The following CACNA1G variants were observed in gnomAD, a reference collection of about 807,000 sequenced individuals.
CACNA1G encodes the protein calcium voltage-gated channel subunit alpha1 G.
Under a neutral mutation model 219.4 loss-of-function variants are expected in CACNA1G, and 67 were observed. The ratio of observed to expected loss-of-function variants is 0.31; its 90% CI spans 0.25 to 0.37. CACNA1G has a LOEUF of 0.37. CACNA1G is among the 10% of genes least tolerant of loss of function. The pLI, the probability that CACNA1G is intolerant of heterozygous loss-of-function variation, is 1.00. For synonymous variants in CACNA1G, 1,296 were observed against 1,345.3 expected (o/e 0.96, Z 0.80); for missense variants, 2,380 against 3,231.4 (o/e 0.74, Z 6.39).
chr17:50,604,398 G>T, intron 22 of CACNA1G, 117 bp downstream of exon 22: 2 of 1,302,960 alleles, frequency 1.5e-6, no homozygotes, highest in Non-Finnish European at 2.1e-6. Context: ...AAAGGAATAA[G>T]CAGGGACGCT....
At chr17:50,615,104 G>T (rs764611509) in intron 26 of CACNA1G, among the ~76,000 whole-genome samples, 1 of 152,098 alleles carries the variant, frequency 6.6e-6, no homozygotes, top group Non-Finnish European at 1.5e-5. Context: ...CTCACCTGGC[G>T]TCTAATGTAG....
chr17:50,561,384 G>T lies in CACNA1G; in HGVS notation c.-76G>T. The T allele has an allele frequency of 6.5e-7, 1 of 1,527,900 alleles. No individual in the cohort carries two copies. The highest frequency in any genetic ancestry group is 8.8e-7 in the Non-Finnish European group (1 of 1,142,446). The allele number at this position is 1,527,900 out of a possible 1,614,324, so 94.6% of individuals were successfully genotyped here. ...GATGTGCCCCCGCCGGGGCCCCCGG[G>T]TTGCGTGAGGACACCTCCTCTGAGG... is the stretch of plus-strand genomic sequence containing the variant. On this transcript the variant is annotated 5_prime_UTR_variant, in exon 1 of 38. Coordinates refer to ENST00000359106, the MANE Select transcript of CACNA1G (RefSeq NM_018896.5).
At position 50,624,200 on chromosome 17, in the gene CACNA1G, C is replaced by A. The variant is rs1598842919; in HGVS notation, c.6229+125C>A. The A allele has an allele frequency of 3.8e-5, 50 of 1,314,110 alleles. No individual in the cohort carries two copies. The East Asian group carries it at 1.2e-3, about 31-fold the overall frequency. The allele number at this position is 1,314,110 out of a possible 1,614,324, so 81.4% of individuals were successfully genotyped here. Reference sequence around the variant, plus strand: ...AGAGGTATCTCTGACCTCAGGGGAGCCTCCAGCCTGGGGGAATGGCTTTGA... The same window carrying A: ...AGAGGTATCTCTGACCTCAGGGGAGACTCCAGCCTGGGGGAATGGCTTTGA... On this transcript the variant is annotated intron_variant, in intron 36 of 37. Transcript: ENST00000359106.
In CACNA1G at chr17:50,596,436, C is replaced by T. The variant is rs1000448066; in HGVS notation, c.2980-126C>T. The T allele has an allele frequency of 2.2e-5, 17 of 763,030 alleles. No individual in the cohort carries two copies. Among genetic ancestry groups the T allele is most frequent in the African/African-American group, 6.9e-5 (4 of 58,360 alleles). 47.3% of individuals were successfully genotyped at this position (763,030 alleles called of 1,614,324 possible). A position where few individuals can be genotyped will look rare whatever the true frequency, so the allele number is the denominator to read the frequency against. On this transcript the variant is annotated intron_variant, in intron 14 of 37. Coordinates refer to ENST00000359106, the MANE Select transcript of CACNA1G (RefSeq NM_018896.5). The surrounding 1 kb of genome is among the most constrained non-coding windows in gnomAD (Gnocchi z 4.8). ...GGTCTGGCCTGCGCCGTGCATGTCTCGTGCCGTGGTTGCTGGTTCCTGTGG... is the reference window on the plus strand; with the variant it reads ...GGTCTGGCCTGCGCCGTGCATGTCTTGTGCCGTGGTTGCTGGTTCCTGTGG...
In CACNA1G at chr17:50,572,084, G is replaced by T. The variant is rs776901487; in HGVS notation, c.746+47G>T. The T allele has an allele frequency of 5.1e-6, 8 of 1,578,804 alleles. No individual in the cohort carries two copies. The South Asian group carries it at 8.1e-5, about 16-fold the overall frequency. Reference sequence around the variant, plus strand: ...GGGAGGACCTGGGAGTGGTTATGGGGCTGGGCACCCCCCCAAGTTCCTCAC... The same window carrying T: ...GGGAGGACCTGGGAGTGGTTATGGGTCTGGGCACCCCCCCAAGTTCCTCAC... On this transcript the variant is annotated intron_variant, in intron 5 of 37. Transcript: ENST00000359106.
chr17:50,596,955 G>A lies in CACNA1G; in HGVS notation c.3258+32G>A, dbSNP rs771990673. 5.3e-5 allele frequency: 79 copies of A among 1,489,948 alleles called. 1 individual carries two copies. Among genetic ancestry groups the A allele is most frequent in the Non-Finnish European group, 6.9e-5 (77 of 1,114,414 alleles). The allele number at this position is 1,489,948 out of a possible 1,614,324, so 92.3% of individuals were successfully genotyped here. On this transcript the variant is annotated intron_variant, in intron 16 of 37. Coordinates refer to ENST00000359106, the MANE Select transcript of CACNA1G (RefSeq NM_018896.5). This position sits in a 1 kb window ranked among gnomAD's most constrained non-coding sequence, Gnocchi z 4.8. Reference sequence around the variant, plus strand: ...GGTGCATGTGGGTACCCTGATGGTGGGAGATATTCCAAGGAGGACAGGAGG... The same window carrying A: ...GGTGCATGTGGGTACCCTGATGGTGAGAGATATTCCAAGGAGGACAGGAGG...
chr17:50,616,435 T>A, intron 28 of CACNA1G, 51 bp downstream of exon 28: 1 of 1,110,260 alleles, frequency 9.0e-7, no homozygotes, highest in Non-Finnish European at 1.4e-6. Flanking sequence ...TAGAAAGGAA[T>A]GAGTCTCTTG....
intron 23 of CACNA1G, 24 bp from the exon 24 acceptor site, chr17:50,606,876 T>C (rs745867772): frequency 6.3e-7 from 1 of 1,575,132 alleles, no homozygotes; most frequent in Non-Finnish European, 8.7e-7. Flanking sequence ...ACTTCAAATG[T>C]CTCCTTCTCC....
chr17:50,578,405 G>C lies in CACNA1G; in HGVS notation c.2142G>C (p.Arg714=). 2 of 1,613,392 alleles carry C rather than the reference G, an allele frequency of 1.2e-6. No homozygotes were observed. The highest frequency in any genetic ancestry group is 1.7e-6 in the Non-Finnish European group (2 of 1,179,840). ...DLRDPHSRRQ[R]SLGPDAEPSS... ...GGGACCCCCACAGCCGGCGGCAACGGAGCCTGGGCCCAGATGCAGAGCCCA... is the reference window on the plus strand; with the variant it reads ...GGGACCCCCACAGCCGGCGGCAACGCAGCCTGGGCCCAGATGCAGAGCCCA... The change falls in exon 9 of 38, where the codon CGG becomes CGC. Residue 714 remains arginine (R), a synonymous_variant. Coordinates refer to ENST00000359106, the MANE Select transcript of CACNA1G (RefSeq NM_018896.5). This position sits in a 1 kb window ranked among gnomAD's most constrained non-coding sequence, Gnocchi z 4.5.
rs1243745179 is a variant in CACNA1G, at chr17:50,627,245, TG to T, written c.*495del. ...GCACAAGCTGGGACCGCGAGCACAT[TG>T]CAGCCCCAACGGTGGCCCATCTTCA... On this transcript the variant is annotated 3_prime_UTR_variant, in exon 38 of 38. Transcript: ENST00000359106. The T allele has an allele frequency of 2.2e-6, 1 of 454,030 alleles. No homozygotes were observed. Among genetic ancestry groups the T allele is most frequent in the South Asian group, 1.6e-5 (1 of 64,460 alleles). The allele number at this position is 454,030 out of a possible 1,614,324, so 28.1% of individuals were successfully genotyped here.
Position 50,624,497 on chromosome 17 carries a change from T to A in CACNA1G, c.6367T>A (p.Ser2123Thr). The part of the protein sequence containing the change: ...TIPKLPPPGR[S>T]PLAQRPLRRQ... ...CCCCAAACTGCCCCCACCAGGACGC[T>A]CCCCTTTGGCTCAGAGGCCACTCAG... Residue 2123 changes from serine to threonine, a missense_variant, in exon 37 of 38, where the codon TCC becomes ACC. Physicochemically the swap from Ser to Thr is moderately conservative, Grantham distance 58 (BLOSUM62 1). Around this residue, in one of 17 missense-constraint regions of CACNA1G, gnomAD observed 672 missense variants for 670.5 expected, o/e 1.00. Coordinates refer to ENST00000359106, the MANE Select transcript of CACNA1G (RefSeq NM_018896.5). The A allele has an allele frequency of 6.3e-7, 1 of 1,598,736 alleles. No homozygotes were observed. The highest frequency in any genetic ancestry group is 8.5e-7 in the Non-Finnish European group (1 of 1,173,102).
intron 26 of CACNA1G, among the ~76,000 whole-genome samples, chr17:50,614,039 C>T (rs2049883083): frequency 6.6e-6 from 1 of 152,246 alleles, no homozygotes; most frequent in Non-Finnish European, 1.5e-5. Context: ...TCATCCACAC[C>T]TCAAGGCCGA....
chr17:50,591,700 G>C (rs1052026366), intron 11 of CACNA1G, 39 bp from the exon 12 acceptor site: 4 of 1,611,172 alleles, frequency 2.5e-6, no homozygotes, highest in East Asian at 4.5e-5. Context: ...AGGAGCACTG[G>C]GCTCTGATCC....
chr17:50,561,753 G>A, intron 1 of CACNA1G, 52 bp downstream of exon 1: 5 of 1,223,002 alleles, frequency 4.1e-6, no homozygotes, highest in East Asian at 5.7e-5. Flanking sequence ...GGGACGGGCC[G>A]CACCGCCGGG....
intron 24 of CACNA1G, chr17:50,607,345 AAAT>A (rs1296791494): frequency 6.2e-5 from 23 of 369,480 alleles, no homozygotes; most frequent in South Asian, 4.8e-4. Context: ...GCTCTACAAA[AAAT>A]AAAAACAATT....
intron 1 of CACNA1G, among the ~76,000 whole-genome samples, chr17:50,564,413 T>G (rs1337624824): frequency 6.7e-6 from 1 of 149,822 alleles, no homozygotes; most frequent in East Asian, 2.0e-4. Context: ...GCACAGCTTT[T>G]TCTCATTTGG....
At chr17:50,605,701 C>T (rs1367294274) in intron 22 of CACNA1G, among the ~76,000 whole-genome samples, 197 bp from the exon 23 acceptor site, 1 of 152,230 alleles carries the variant, frequency 6.6e-6, no homozygotes, top group Non-Finnish European at 1.5e-5. Flanking sequence ...ATTACCTTTC[C>T]TCCCCACTCT....
At chr17:50,582,110 T>A (rs1476672493) in intron 9 of CACNA1G, among the ~76,000 whole-genome samples, 2 of 152,206 alleles carry the variant, frequency 1.3e-5, no homozygotes, top group African/African-American at 4.8e-5. Context: ...TCCTTCTTTT[T>A]AAAGAGGTCA....
intron 35 of CACNA1G, among the ~76,000 whole-genome samples, chr17:50,623,030 G>A (rs2052541234): frequency 6.6e-6 from 1 of 151,654 alleles, no homozygotes; most frequent in Admixed American, 6.6e-5. Context: ...TGCTCCTTGG[G>A]AGGGTCCTCT....
Sources: gnomAD v4.1 joint callset for allele counts (sites outside exome capture counted in the v4.1 genomes callset) on GRCh38, gnomAD v4.1.1 for gene constraint, gnomAD v4.1.1 regional missense constraint, Gnocchi (gnomAD v3.1) non-coding constraint, MANE v1.5 for transcripts, NCBI Gene and HGNC (gene_info 2026-07-23, HGNC 2026-07-21) for gene names.